DLG1: variants seen among roughly 807,000 people sequenced by gnomAD.
DLG1 encodes the protein disks large homolog 1.
DLG1 carries 42 observed loss-of-function variants against 123.4 expected under a neutral mutation model. That is an observed-to-expected ratio of 0.34 (90% CI 0.27 to 0.44). The LOEUF (loss-of-function observed/expected upper bound fraction) is 0.44, where lower values mean the gene tolerates loss of function less well. Ranked by LOEUF, DLG1 falls within the 20% of genes least tolerant of loss-of-function variation. DLG1 has a pLI of 1.00. For missense variants in DLG1, 942 were observed against 1,082.6 expected, an observed-to-expected ratio of 0.87 and a Z score of 1.82; for synonymous variants, 317 against 356.2, an observed-to-expected ratio of 0.89 and a Z score of 1.24.
At chr3:197,210,827 A>G (rs1304545455) in intron 4 of DLG1, among the ~76,000 whole-genome samples, 2 of 145,190 alleles carry the variant, frequency 1.4e-5, no homozygotes, top group Non-Finnish European at 3.1e-5. Context: ...CTATGAGATC[A>G]GCATAACCTT....
rs1775087065 is a variant in DLG1 at position 197,119,462 on chromosome 3, C to T, written c.1234G>A (p.Ala412Thr). ...GCTTTAGAAACTGGGGAGTATCTGG[C>T]TGGAGATGCTGGTGTCTGGCCCAAG... ...SFLGQTPASP[A>T]RYSPVSKAVL... The change falls in exon 12 of 25, where the codon GCC becomes ACC. Residue 412 changes from alanine (A) to threonine (T), a missense_variant. Transcript: ENST00000667157. The T allele has an allele frequency of 1.2e-6, 2 of 1,611,424 alleles. No homozygotes were observed. The highest frequency in any genetic ancestry group is 2.2e-5 in the South Asian group (2 of 91,000).
At chr3:197,109,045 T>C (rs183308025) in intron 13 of DLG1, among the ~76,000 whole-genome samples, 183 of 152,334 alleles carry the variant, frequency 1.2e-3, no homozygotes, top group African/African-American at 4.2e-3. Flanking sequence ...TTAGTGGTTA[T>C]CTTGGATTAT....
At chr3:197,242,772 T>C (rs1749605606) in intron 4 of DLG1, among the ~76,000 whole-genome samples, 1 of 152,064 alleles carries the variant, frequency 6.6e-6, no homozygotes, top group Admixed American at 6.6e-5. Context: ...GCAAAAGCAG[T>C]ATTAAGCAGG....
chr3:197,143,804 C>T (rs76257135), intron 6 of DLG1, among the ~76,000 whole-genome samples: 5,290 of 152,238 alleles, frequency 0.035, 230 homozygotes, highest in Admixed American at 0.12. Context: ...TGTGCCTCCT[C>T]GGTCACAAAT....
intron 3 of DLG1, among the ~76,000 whole-genome samples, chr3:197,288,274 G>C (rs1157658903): frequency 1.5e-5 from 2 of 134,486 alleles, no homozygotes; most frequent in East Asian, 2.5e-4. Context: ...TGAGGCAGGA[G>C]AATCACTTGA....
intron 24 of DLG1, among the ~76,000 whole-genome samples, chr3:197,049,533 T>A (rs561991604): frequency 1.3e-5 from 2 of 152,090 alleles, no homozygotes. Context: ...GGCGGGCGGA[T>A]CACCTGAGGT....
At position 197,155,375 on chromosome 3, in the gene DLG1, T is replaced by C. The variant is rs138544432; in HGVS notation, c.484-5579A>G. On this transcript the variant is annotated intron_variant, in intron 5 of 24. Transcript: ENST00000667157. Reference sequence around the variant, plus strand: ...AATTAAGGGGGAAATTAAGATGTTCTCTGATGAACAAAAGCTGAGGGAGTT... The same window carrying C: ...AATTAAGGGGGAAATTAAGATGTTCCCTGATGAACAAAAGCTGAGGGAGTT... Among the ~76,000 whole-genome samples the C allele has an allele frequency of 9.7e-3, 1,476 of 152,282 alleles. 18 individuals carry two copies. Among genetic ancestry groups the C allele is most frequent in the African/African-American group, 0.023 (955 of 41,558 alleles).
chr3:197,182,284 T>C (rs974704126), intron 5 of DLG1, among the ~76,000 whole-genome samples: 3 of 152,180 alleles, frequency 2.0e-5, no homozygotes, highest in Non-Finnish European at 4.4e-5. Flanking sequence ...TTAGTAAAAT[T>C]CTTGGGGCAG....
chr3:197,133,428 C>T (rs953088740), intron 10 of DLG1, among the ~76,000 whole-genome samples: 8 of 152,184 alleles, frequency 5.3e-5, no homozygotes, highest in Admixed American at 2.6e-4. Context: ...CAAGTTGTTC[C>T]TGCCAAGCCC....
chr3:197,053,154 A>G (rs1362874607), intron 23 of DLG1, among the ~76,000 whole-genome samples: 1 of 152,208 alleles, frequency 6.6e-6, no homozygotes, highest in Non-Finnish European at 1.5e-5. Context: ...CTGCAGCTGG[A>G]TGATGAGTAT....
intron 5 of DLG1, among the ~76,000 whole-genome samples, chr3:197,157,472 A>T (rs1796876999): frequency 6.6e-6 from 1 of 152,232 alleles, no homozygotes; most frequent in Non-Finnish European, 1.5e-5. Context: ...TCCTAAATGA[A>T]GAATTAACTT....
chr3:197,256,069 A>G lies in DLG1; in HGVS notation c.318+26610T>C, dbSNP rs1756725567. Among the ~76,000 whole-genome samples the G allele has an allele frequency of 9.9e-5, 15 of 152,224 alleles. 1 individual carries two copies. Among genetic ancestry groups the G allele is most frequent in the Admixed American group, 9.8e-4 (15 of 15,286 alleles). On this transcript the variant is annotated intron_variant, in intron 4 of 24. Coordinates refer to ENST00000667157, the MANE Select transcript of DLG1 (RefSeq NM_001366207.1). ...CTGAACAGGAAGAATGGCGCTAATA[A>G]AGAAAGCATATTTTAATGACATGCT...
At chr3:197,058,010 C>T (rs1010626405) in intron 23 of DLG1, among the ~76,000 whole-genome samples, 2 of 150,962 alleles carry the variant, frequency 1.3e-5, no homozygotes, top group African/African-American at 2.4e-5. Context: ...GACAGGGTCT[C>T]GCTCTGTCAC....
intron 4 of DLG1, among the ~76,000 whole-genome samples, chr3:197,274,515 CACGAT>C (rs201835921): frequency 7.9e-5 from 12 of 151,994 alleles, no homozygotes; most frequent in African/African-American, 9.7e-5. Flanking sequence ...CACGACACGA[CACGAT>C]ACGATACGAA....
At chr3:197,154,449 G>A (rs944391966) in intron 5 of DLG1, among the ~76,000 whole-genome samples, 11 of 152,126 alleles carry the variant, frequency 7.2e-5, no homozygotes, top group Admixed American at 1.3e-4. Context: ...ACTGAGGTGG[G>A]TGGATCACTA....
chr3:197,168,002 A>T (rs577974392), intron 5 of DLG1, among the ~76,000 whole-genome samples: 2 of 152,242 alleles, frequency 1.3e-5, no homozygotes, highest in Non-Finnish European at 2.9e-5. Flanking sequence ...AAATAAGACA[A>T]AAGTACATGC....
intron 4 of DLG1, among the ~76,000 whole-genome samples, chr3:197,221,925 T>G (rs926382161): frequency 6.6e-6 from 1 of 152,212 alleles, no homozygotes; most frequent in Non-Finnish European, 1.5e-5. Context: ...GTGGTGTATG[T>G]AGTATTTGCA....
intron 5 of DLG1, among the ~76,000 whole-genome samples, chr3:197,174,604 T>C (rs1420648703): frequency 6.6e-6 from 1 of 152,234 alleles, no homozygotes; most frequent in Non-Finnish European, 1.5e-5. Flanking sequence ...ATTCTTAATA[T>C]TGATATGCAT....
At chr3:197,206,544 A>C (rs1221790699) in intron 4 of DLG1, among the ~76,000 whole-genome samples, 1 of 152,030 alleles carries the variant, frequency 6.6e-6, no homozygotes, top group Non-Finnish European at 1.5e-5. Flanking sequence ...AAAGCGATAC[A>C]CCTGCCTCAG....
Sources: allele counts gnomAD v4.1 joint callset (sites outside exome capture counted in the v4.1 genomes callset), GRCh38; gene constraint gnomAD v4.1.1; transcripts MANE v1.5; gene names NCBI Gene and HGNC (gene_info 2026-07-23, HGNC 2026-07-21).